The following RBFOX2 variants were observed in gnomAD, a reference collection of about 807,000 sequenced individuals.
The protein encoded by RBFOX2 is RNA binding fox-1 homolog 2.
RBFOX2 carries 10 observed loss-of-function variants against 49.1 expected under a neutral mutation model. The ratio of observed to expected loss-of-function variants is 0.20; its 90% confidence interval spans 0.13 to 0.35. RBFOX2 has a LOEUF of 0.35. Among genes scored for constraint, RBFOX2 ranks in the 10% least tolerant of loss-of-function variants. The pLI is 1.00. For synonymous variants in RBFOX2, 183 were observed against 187.4 expected (o/e 0.98, Z 0.19); for missense variants, 323 against 486.9 (o/e 0.66, Z 3.17).
intron 1 of RBFOX2, among the ~76,000 whole-genome samples, chr22:35,849,802 C>A (rs2148958807): frequency 6.6e-6 from 1 of 152,224 alleles, no homozygotes; most frequent in Non-Finnish European, 1.5e-5. Context: ...GAGACCAGGC[C>A]TCCACCCCAA....
intron 9 of RBFOX2, chr22:35,747,499 A>G (rs1376741276): frequency 6.6e-6 from 1 of 152,240 alleles, no homozygotes; most frequent in Non-Finnish European, 1.5e-5. Context: ...CTCAGTTTAG[A>G]TAACTCAAAT....
At chr22:35,958,474 T>G (rs1165488076) in intron 1 of RBFOX2, among the ~76,000 whole-genome samples, 2 of 152,212 alleles carry the variant, frequency 1.3e-5, no homozygotes, top group Non-Finnish European at 2.9e-5. Flanking sequence ...TGGGTAAAAC[T>G]GGACTTTTCT....
chr22:35,889,376 CA>C (rs1281073831), intron 1 of RBFOX2, among the ~76,000 whole-genome samples: 1 of 152,078 alleles, frequency 6.6e-6, no homozygotes, highest in Non-Finnish European at 1.5e-5. Context: ...CAAAGTTACC[CA>C]AGTACTAAAT....
chr22:36,005,611 C>G lies in RBFOX2; in HGVS notation c.186+22629G>C, dbSNP rs764098826. On this transcript the variant is annotated intron_variant, in intron 1 of 13. Coordinates refer to the RBFOX2 transcript ENST00000438146. ...TTCAGAATGAAGTGTCCCATTTTCACCTAACCCTAGTGCCTTCCACAGGTA... is the reference window on the plus strand; with the variant it reads ...TTCAGAATGAAGTGTCCCATTTTCAGCTAACCCTAGTGCCTTCCACAGGTA... Among the ~76,000 whole-genome samples the G allele has an allele frequency of 4.2e-4, 64 of 152,184 alleles. 1 individual carries two copies. The highest frequency in any genetic ancestry group is 1.5e-4 in the Non-Finnish European group (10 of 68,038).
intron 1 of RBFOX2, among the ~76,000 whole-genome samples, chr22:35,982,358 A>G (rs1386924390): frequency 6.6e-6 from 1 of 152,028 alleles, no homozygotes; most frequent in African/African-American, 2.4e-5. Flanking sequence ...GGTCCCAGCT[A>G]GTTTAGACCC....
intron 2 of RBFOX2, among the ~76,000 whole-genome samples, chr22:35,797,274 T>C (rs1948954065): frequency 6.6e-6 from 1 of 152,186 alleles, no homozygotes; most frequent in African/African-American, 2.4e-5. Flanking sequence ...GAGTGCCAGA[T>C]GCATAAAACT....
chr22:35,787,485 A>G (rs1041267138), intron 2 of RBFOX2, among the ~76,000 whole-genome samples: 2 of 152,194 alleles, frequency 1.3e-5, no homozygotes, highest in African/African-American at 4.8e-5. Context: ...GGGACTTAAA[A>G]GTGGTTTTCT....
Position 36,025,190 on chromosome 22 carries a change from G to A in RBFOX2, c.186+3050C>T, listed in dbSNP as rs115781906. ...CCATCTCCTAAGACTACCTGCCCTTGCTCTCTCTGCTCCAGCTATTAATAC... is the reference window on the plus strand; with the variant it reads ...CCATCTCCTAAGACTACCTGCCCTTACTCTCTCTGCTCCAGCTATTAATAC... On this transcript the variant is annotated intron_variant, in intron 1 of 13. Transcript: ENST00000438146. Among the ~76,000 whole-genome samples the A allele has an allele frequency of 3.5e-3, 536 of 152,260 alleles. 1 individual carries two copies. The highest frequency in any genetic ancestry group is 0.011 in the African/African-American group (477 of 41,546).
intron 1 of RBFOX2, among the ~76,000 whole-genome samples, chr22:36,006,834 A>C (rs1470260669): frequency 6.6e-6 from 1 of 152,176 alleles, no homozygotes; most frequent in Non-Finnish European, 1.5e-5. Flanking sequence ...CCCCAGCCAG[A>C]TAAGAATCCC....
intron 2 of RBFOX2, among the ~76,000 whole-genome samples, chr22:35,805,420 A>C (rs2148003078): frequency 6.6e-6 from 1 of 152,310 alleles, no homozygotes; most frequent in East Asian, 1.9e-4. Flanking sequence ...AATGCAAACT[A>C]AAACAACAAT....
chr22:35,903,696 C>T (rs1485905359), intron 1 of RBFOX2, among the ~76,000 whole-genome samples: 1 of 152,004 alleles, frequency 6.6e-6, no homozygotes, highest in East Asian at 1.9e-4. Context: ...AAGCCAGAAA[C>T]CCTTCCTTCA....
chr22:35,744,860 GT>G (rs1931861339), intron 11 of RBFOX2, among the ~76,000 whole-genome samples: 1 of 152,116 alleles, frequency 6.6e-6, no homozygotes, highest in Non-Finnish European at 1.5e-5. Context: ...ATTCCTTTAT[GT>G]TTATCAAATG....
At chr22:35,795,197 G>C (rs2147680224) in intron 2 of RBFOX2, among the ~76,000 whole-genome samples, 1 of 152,140 alleles carries the variant, frequency 6.6e-6, no homozygotes, top group South Asian at 2.1e-4. Flanking sequence ...AATTGATACA[G>C]GATATATATA....
At chr22:35,868,379 A>C (rs1187400812) in intron 1 of RBFOX2, among the ~76,000 whole-genome samples, 3 of 152,232 alleles carry the variant, frequency 2.0e-5, no homozygotes, top group Non-Finnish European at 4.4e-5. Context: ...TTAACACCAT[A>C]GTGCTTGTTA....
upstream of RBFOX2, among the ~76,000 whole-genome samples, chr22:35,963,762 T>C (rs970171377): frequency 5.9e-5 from 9 of 152,220 alleles, no homozygotes; most frequent in Non-Finnish European, 1.3e-4. Flanking sequence ...GTTGTTGTTT[T>C]TGCAATGGAG....
intron 1 of RBFOX2, among the ~76,000 whole-genome samples, chr22:35,903,176 T>G (rs1411991475): frequency 6.6e-6 from 1 of 152,094 alleles, no homozygotes; most frequent in Non-Finnish European, 1.5e-5. Context: ...CTGTCTCAAT[T>G]TCTTCACTTC....
intron 9 of RBFOX2, among the ~76,000 whole-genome samples, chr22:35,753,139 C>G (rs1051618068): frequency 6.6e-6 from 1 of 152,186 alleles, no homozygotes; most frequent in East Asian, 1.9e-4. Flanking sequence ...CTTCAAGCTC[C>G]GATTCGGTGC....
chr22:35,761,338 A>C, intron 7 of RBFOX2, 44 bp from the exon 9 acceptor site: 1 of 1,613,178 alleles, frequency 6.2e-7, no homozygotes, highest in Middle Eastern at 1.7e-4. Flanking sequence ...GAAGATTAAA[A>C]AGGAGTCACA....
rs540523661 is a variant in RBFOX2, at chr22:35,970,273, C to T, written c.187-31376G>A. Among the ~76,000 whole-genome samples, 12 of 152,206 alleles carry T rather than the reference C, an allele frequency of 7.9e-5. No individual in the cohort carries two copies. The South Asian group carries it at 2.3e-3, about 29-fold the overall frequency. On this transcript the variant is annotated intron_variant, in intron 1 of 13. Coordinates refer to the RBFOX2 transcript ENST00000438146. ...CAAAAAAATCAAATATTTCAGCATC[C>T]AAACTCTATCTCCCAGACATCCTCG...
Sources: allele counts gnomAD v4.1 joint callset (sites outside exome capture counted in the v4.1 genomes callset), GRCh38; gene constraint gnomAD v4.1.1; transcripts MANE v1.5; gene names NCBI Gene and HGNC (gene_info 2026-07-23, HGNC 2026-07-21).